Variants in KIF6 observed in about 807,000 individuals in gnomAD.
KIF6 encodes kinesin-like protein KIF6.
In KIF6, 106 loss-of-function variants were observed where a neutral mutation model predicts 112.7. The ratio of observed to expected loss-of-function variants is 0.94; its 90% CI spans 0.80 to 1.11. The LOEUF (loss-of-function observed/expected upper bound fraction) is 1.11, where lower values mean the gene tolerates loss of function less well. KIF6 is among the 50% of genes least tolerant of loss of function. KIF6 has a pLI of 0.00. For synonymous variants in KIF6, 339 were observed against 339.9 expected, an observed-to-expected ratio of 1.00 and a Z score of 0.03; for missense variants, 929 against 964.0, an observed-to-expected ratio of 0.96 and a Z score of 0.48.
chr6:39,497,240 G>A (rs1775839752), intron 13 of KIF6, among the ~76,000 whole-genome samples: 1 of 152,240 alleles, frequency 6.6e-6, no homozygotes, highest in Non-Finnish European at 1.5e-5. Context: ...CTAATGCACT[G>A]AATTAGAGTT....
At chr6:39,556,506 G>A (rs1197555152) in intron 10 of KIF6, among the ~76,000 whole-genome samples, 2 of 152,176 alleles carry the variant, frequency 1.3e-5, no homozygotes, top group Non-Finnish European at 2.9e-5. Context: ...GTAGTAGAGA[G>A]ATAGCTACCT....
intron 1 of KIF6, among the ~76,000 whole-genome samples, chr6:39,724,250 G>A (rs1449729504): frequency 2.0e-5 from 3 of 152,114 alleles, no homozygotes; most frequent in Admixed American, 1.3e-4. Context: ...GGAGGAGATC[G>A]AGACCATCCT....
intron 5 of KIF6, among the ~76,000 whole-genome samples, chr6:39,621,333 C>T (rs1205234890): frequency 6.6e-6 from 1 of 151,988 alleles, no homozygotes; most frequent in African/African-American, 2.4e-5. Context: ...GGTGACGTTA[C>T]AAGATCAAAA....
intron 6 of KIF6, 43 bp from the exon 7 acceptor site, chr6:39,596,303 A>C (rs760455567): frequency 1.6e-6 from 2 of 1,271,120 alleles, no homozygotes; most frequent in Non-Finnish European, 2.3e-6. Flanking sequence ...AACAATGAAA[A>C]TTTTTAAAGA....
intron 6 of KIF6, among the ~76,000 whole-genome samples, chr6:39,599,331 GCAGA>G (rs1164531554): frequency 6.6e-6 from 1 of 152,180 alleles, no homozygotes; most frequent in Non-Finnish European, 1.5e-5. Flanking sequence ...GCACATGTGT[GCAGA>G]CAGAGTAACA....
intron 13 of KIF6, among the ~76,000 whole-genome samples, chr6:39,446,576 C>A (rs1772333736): frequency 6.6e-6 from 1 of 152,142 alleles, no homozygotes; most frequent in South Asian, 2.1e-4. Flanking sequence ...TCACTGCAAC[C>A]TCCACTTCCC....
At chr6:39,407,799 G>A (rs1310818453) in intron 15 of KIF6, among the ~76,000 whole-genome samples, 5 of 152,166 alleles carry the variant, frequency 3.3e-5, no homozygotes, top group Admixed American at 6.5e-5. Flanking sequence ...ACCATCTCTA[G>A]TTTTGATCTG....
At chr6:39,506,527 T>TA (rs978646033) in intron 13 of KIF6, among the ~76,000 whole-genome samples, 10 of 151,336 alleles carry the variant, frequency 6.6e-5, no homozygotes, top group Middle Eastern at 3.4e-3. Context: ...AGTTGGAAAG[T>TA]AAAAAAAAAC....
At chr6:39,579,435 C>T (rs1020847200) in intron 9 of KIF6, among the ~76,000 whole-genome samples, 3 of 151,832 alleles carry the variant, frequency 2.0e-5, no homozygotes, top group African/African-American at 7.3e-5. Context: ...TTTTCCTTTC[C>T]TTATTGATTT....
intron 15 of KIF6, among the ~76,000 whole-genome samples, chr6:39,402,697 G>T (rs756565331): frequency 2.0e-5 from 3 of 152,172 alleles, no homozygotes; most frequent in Non-Finnish European, 4.4e-5. Flanking sequence ...TTTATAAGGG[G>T]AGTCTGCAGA....
chr6:39,596,315 T>C (rs1312039335), intron 6 of KIF6, 55 bp from the exon 7 acceptor site: 1 of 1,177,082 alleles, frequency 8.5e-7, no homozygotes, highest in African/African-American at 1.5e-5. Context: ...TTTTAAAGAA[T>C]ATCAAAAGAT....
chr6:39,662,718 A>T (rs1786231211), intron 3 of KIF6, among the ~76,000 whole-genome samples: 1 of 152,176 alleles, frequency 6.6e-6, no homozygotes, highest in Non-Finnish European at 1.5e-5. Flanking sequence ...AAAAAAAATT[A>T]TCTTGAATAA....
chr6:39,360,481 G>C lies in KIF6; in HGVS notation c.1996C>G (p.His666Asp). ...RLKALKVEIEHLQLLMDKAKV... is the reference protein window; with the variant it reads ...RLKALKVEIEDLQLLMDKAKV... ...GCTTTGTCCATGAGCAGCTGCAAGT[G>C]CTCGATCTCCACCTTCAGGGCTTTC... The change falls in exon 18 of 23, where the codon CAC becomes GAC. Residue 666 changes from histidine to aspartate, a missense_variant. This residue lies in a region of KIF6 where 241 missense variants were observed against 301.4 expected (regional missense o/e 0.80). Coordinates refer to ENST00000287152, the MANE Select transcript of KIF6 (RefSeq NM_145027.6). 6.2e-7 allele frequency: 1 copy of C among 1,613,738 alleles called. No individual in the cohort carries two copies. The highest frequency in any genetic ancestry group is 8.5e-7 in the Non-Finnish European group (1 of 1,179,880).
intron 10 of KIF6, among the ~76,000 whole-genome samples, chr6:39,550,228 C>T (rs902825721): frequency 6.6e-6 from 1 of 152,138 alleles, no homozygotes; most frequent in African/African-American, 2.4e-5. Context: ...ATGTTCGTGT[C>T]AGCAGTGGGT....
intron 12 of KIF6, among the ~76,000 whole-genome samples, chr6:39,541,275 AT>A (rs1436794916): frequency 3.3e-5 from 5 of 152,210 alleles, no homozygotes; most frequent in Admixed American, 3.3e-4. Context: ...CCACTTGGTG[AT>A]TTCTGGAAGC....
intron 3 of KIF6, among the ~76,000 whole-genome samples, chr6:39,662,707 C>CA (rs560843308): frequency 1.6e-4 from 24 of 151,676 alleles, no homozygotes; most frequent in African/African-American, 2.9e-4. Flanking sequence ...GCCCCTATCT[C>CA]AAAAAAAATT....
At chr6:39,712,067 T>G (rs536446644) in intron 3 of KIF6, among the ~76,000 whole-genome samples, 2 of 150,760 alleles carry the variant, frequency 1.3e-5, no homozygotes, top group African/African-American at 4.9e-5. Flanking sequence ...GGAAAAAAAA[T>G]TAGGGAGTAT....
At chr6:39,696,741 TG>T (rs1788562331) in intron 3 of KIF6, among the ~76,000 whole-genome samples, 1 of 151,950 alleles carries the variant, frequency 6.6e-6, no homozygotes, top group Non-Finnish European at 1.5e-5. Context: ...TGTATGTCTG[TG>T]TATCTCAAAG....
intron 13 of KIF6, among the ~76,000 whole-genome samples, chr6:39,482,006 G>GCGCACA (rs1774827984): frequency 1.4e-5 from 2 of 141,134 alleles, no homozygotes; most frequent in South Asian, 4.7e-4. Flanking sequence ...GGACCTTTAG[G>GCGCACA]CACACACACA....
Sources: allele counts gnomAD v4.1 joint callset (sites outside exome capture counted in the v4.1 genomes callset), GRCh38; gene constraint gnomAD v4.1.1; regional missense constraint gnomAD v4.1.1; transcripts MANE v1.5; gene names NCBI Gene and HGNC (gene_info 2026-07-23, HGNC 2026-07-21).